The following NAV2 variants were observed in gnomAD, a reference collection of about 807,000 sequenced individuals.
The protein encoded by NAV2 is neuron navigator 2.
NAV2 carries 54 observed loss-of-function variants against 223.2 expected under a neutral mutation model. The ratio of observed to expected loss-of-function variants is 0.24; its 90% confidence interval spans 0.19 to 0.30. The LOEUF is 0.30. Among genes scored for constraint, NAV2 ranks in the 10% least tolerant of loss-of-function variants. NAV2 has a pLI of 1.00. For synonymous variants in NAV2, 1,279 were observed against 1,239.3 expected (o/e 1.03, Z -0.67); for missense variants, 2,806 against 3,147.5 (o/e 0.89, Z 2.60).
intron 1 of NAV2, among the ~76,000 whole-genome samples, chr11:19,513,718 A>G (rs542117936): frequency 3.9e-5 from 6 of 152,376 alleles, no homozygotes; most frequent in African/African-American, 1.4e-4. Flanking sequence ...ATTTGGAAAT[A>G]AAGTCATCAC....
intron 1 of NAV2, among the ~76,000 whole-genome samples, chr11:19,802,324 C>G (rs185455508): frequency 1.3e-5 from 2 of 152,032 alleles, no homozygotes; most frequent in Non-Finnish European, 2.9e-5. Context: ...GCTTGGCTGG[C>G]CTCTTCCATT....
In NAV2 at chr11:19,948,955, TG is replaced by T; in HGVS notation, c.2521del (p.Val841TrpfsTer24). Reference protein sequence around the residue: ...LASRGSSVCHVDVSDKAGDEM... With the variant: ...LASRGSSVCHXDVSDKAGDEM... ...CCTCCCGGGGCAGTAGTGTCTGCCA[TG>T]TGGACGTCTCAGACAAGGCAGGAGA... On this transcript the variant is annotated frameshift_variant, in exon 10 of 38. Transcript: ENST00000349880. LOFTEE classifies it high-confidence loss of function. 1 of 1,613,914 alleles carries T rather than the reference TG, an allele frequency of 6.2e-7. No individual in the cohort carries two copies.
intron 1 of NAV2, among the ~76,000 whole-genome samples, chr11:19,733,036 G>A (rs1016260417): frequency 6.6e-6 from 1 of 152,194 alleles, no homozygotes; most frequent in Non-Finnish European, 1.5e-5. Context: ...TCTAGGGAGC[G>A]GCTGGGGGTG....
chr11:19,910,067 T>C (rs968304622), intron 6 of NAV2, among the ~76,000 whole-genome samples: 6 of 152,160 alleles, frequency 3.9e-5, no homozygotes, highest in African/African-American at 1.4e-4. Flanking sequence ...TTTGCATACG[T>C]AGTCTCATTT....
chr11:19,892,850 A>G (rs2041630660), intron 6 of NAV2, among the ~76,000 whole-genome samples: 1 of 152,222 alleles, frequency 6.6e-6, no homozygotes, highest in African/African-American at 2.4e-5. Flanking sequence ...CCGGCTATGC[A>G]TAGAAGCAAT....
chr11:19,517,582 A>T (rs552539117), intron 1 of NAV2, among the ~76,000 whole-genome samples: 2 of 152,212 alleles, frequency 1.3e-5, no homozygotes, highest in Admixed American at 1.3e-4. Context: ...TTGAGCATCA[A>T]AGGTTCAGAA....
At chr11:20,109,144 AT>A (rs1185399833) in intron 36 of NAV2, among the ~76,000 whole-genome samples, 7 of 152,320 alleles carry the variant, frequency 4.6e-5, no homozygotes, top group Admixed American at 2.6e-4. Flanking sequence ...TCTATCTATG[AT>A]TTATAGCAGC....
In NAV2 at chr11:19,471,489, C is replaced by T. The variant is rs561878167; in HGVS notation, c.75+120462C>T. Among the ~76,000 whole-genome samples the T allele has an allele frequency of 2.0e-5, 3 of 152,294 alleles. No homozygotes were observed. The South Asian group carries it at 6.2e-4, about 32-fold the overall frequency. ...ACTTCAGGACTACCTGAAATCTCTT[C>T]AGTAAGATTTCCTTCTCACTGGTGA... On this transcript the variant is annotated intron_variant, in intron 1 of 37. Transcript: ENST00000360655.
At chr11:19,597,222 T>G (rs2046227770) in intron 1 of NAV2, among the ~76,000 whole-genome samples, 1 of 152,198 alleles carries the variant, frequency 6.6e-6, no homozygotes, top group Non-Finnish European at 1.5e-5. Flanking sequence ...ATAATGTATA[T>G]AAATGCATCT....
chr11:19,967,727 T>C (rs138954015), intron 10 of NAV2, among the ~76,000 whole-genome samples: 3 of 152,210 alleles, frequency 2.0e-5, no homozygotes, highest in Non-Finnish European at 4.4e-5. Flanking sequence ...ATCCCAGATA[T>C]TACAGAAGGG....
At chr11:20,106,203 A>G (rs1471647346) in intron 35 of NAV2, among the ~76,000 whole-genome samples, 1,453 of 39,050 alleles carry the variant, frequency 0.037, 305 homozygotes, top group South Asian at 0.083. Flanking sequence ...ATATATATAT[A>G]TATATATATA....
intron 3 of NAV2, among the ~76,000 whole-genome samples, chr11:19,854,570 C>T (rs553773042): frequency 1.3e-5 from 2 of 152,218 alleles, no homozygotes; most frequent in African/African-American, 2.4e-5. Flanking sequence ...CTCCACCATT[C>T]CCTATTGTCT....
intron 3 of NAV2, among the ~76,000 whole-genome samples, chr11:19,859,845 C>T (rs867596555): frequency 2.8e-5 from 4 of 141,490 alleles, no homozygotes; most frequent in African/African-American, 5.3e-5. Context: ...CCCTCCCGGA[C>T]GGGGCGGCTG....
chr11:20,038,415 A>G (rs1392562587), intron 12 of NAV2, among the ~76,000 whole-genome samples: 1 of 152,240 alleles, frequency 6.6e-6, no homozygotes, highest in Non-Finnish European at 1.5e-5. Flanking sequence ...AACTAAATGC[A>G]GATTACACCA....
chr11:19,804,383 G>A (rs1219817487), intron 1 of NAV2, among the ~76,000 whole-genome samples: 1 of 152,160 alleles, frequency 6.6e-6, no homozygotes, highest in African/African-American at 2.4e-5. Flanking sequence ...GTATCTAAGT[G>A]CTGAATGAAT....
rs530210726 is a variant in NAV2 at position 19,817,943 on chromosome 11, G to A, written c.268-14541G>A. On this transcript the variant is annotated intron_variant, in intron 1 of 37. Coordinates refer to ENST00000349880, the MANE Select transcript of NAV2 (RefSeq NM_145117.5). ...GATCTCCAAGGGGAGAGTTCGGATC[G>A]TATTCAGTCTCCCTAAAGGCCCCTC... Among the ~76,000 whole-genome samples the A allele has an allele frequency of 1.8e-4, 28 of 152,118 alleles. 1 individual carries two copies. In the South Asian group the frequency reaches 5.6e-3, roughly 30 times the overall value.
intron 1 of NAV2, among the ~76,000 whole-genome samples, chr11:19,685,419 C>T (rs144414671): frequency 1.3e-4 from 20 of 152,202 alleles, no homozygotes; most frequent in African/African-American, 4.6e-4. Context: ...TGTGACCACA[C>T]CCCCTTCCCA....
intron 11 of NAV2, among the ~76,000 whole-genome samples, chr11:19,997,603 A>G (rs1246419397): frequency 1.3e-5 from 2 of 152,106 alleles, no homozygotes; most frequent in Non-Finnish European, 2.9e-5. Flanking sequence ...AATTATCCAT[A>G]TTTCACAAAT....
intron 1 of NAV2, among the ~76,000 whole-genome samples, chr11:19,556,487 C>T (rs2044895350): frequency 6.6e-6 from 1 of 152,178 alleles, no homozygotes; most frequent in South Asian, 2.1e-4. Flanking sequence ...GATCTCTTAA[C>T]CCTTTTTGTG....
Sources: gnomAD v4.1 joint callset for allele counts (sites outside exome capture counted in the v4.1 genomes callset) on GRCh38, gnomAD v4.1.1 for gene constraint, MANE v1.5 for transcripts, NCBI Gene and HGNC (gene_info 2026-07-23, HGNC 2026-07-21) for gene names.